DMD: variants seen among roughly 807,000 people sequenced by gnomAD.
DMD encodes the protein mutant dystrophin.
In DMD, 63 loss-of-function variants were observed where a neutral mutation model predicts 330.1. The observed-to-expected ratio is 0.19, with a 90% confidence interval of 0.16 to 0.24. The LOEUF is 0.24. Among genes scored for constraint, DMD ranks in the 10% least tolerant of loss-of-function variants. DMD has a pLI of 1.00. For synonymous variants in DMD, 1,223 were observed against 959.8 expected (o/e 1.27, Z -5.07); for missense variants, 3,344 against 2,684.1 (o/e 1.25, Z -5.43).
chrX:32,600,046 A>G (rs2149284061), intron 12 of DMD, among the ~76,000 whole-genome samples: 1 of 112,380 alleles, frequency 8.9e-6, no homozygotes, highest in African/African-American at 3.2e-5. Flanking sequence ...AAAGGGCTTA[A>G]CAAAATTTGT....
chrX:31,715,500 G>A lies in DMD; in HGVS notation c.7660+14131C>T, dbSNP rs755252330. On this transcript the variant is annotated intron_variant, in intron 52 of 78. Coordinates refer to ENST00000357033, the MANE Select transcript of DMD (RefSeq NM_004006.3). ...GGAGCTTGCAGTGAGCCGAGATCCC[G>A]CCACTGCACTCCAGCCTGGGCGACA... Among the ~76,000 whole-genome samples, 6 of 90,673 alleles carry A rather than the reference G, an allele frequency of 6.6e-5. No homozygotes were observed. In the South Asian group the frequency reaches 2.8e-3, roughly 42 times the overall value. 78.7% of individuals were successfully genotyped at this position (90,673 alleles called of 115,157 possible).
rs752069953 is a variant in DMD, at chrX:32,368,068, G to T, written c.4846-2869C>A. ...TCCCTCAAATGTGTTTTTAATCAAAGATATGACTTAAGAAATAAGACTTAA... is the reference window on the plus strand; with the variant it reads ...TCCCTCAAATGTGTTTTTAATCAAATATATGACTTAAGAAATAAGACTTAA... On this transcript the variant is annotated intron_variant, in intron 34 of 78. Transcript: ENST00000357033. 1.4e-3 allele frequency among the ~76,000 whole-genome samples: 158 copies of T among 111,504 alleles called. 1 individual carries two copies. The highest frequency in any genetic ancestry group is 9.6e-4 in the Admixed American group (10 of 10,446).
intron 55 of DMD, among the ~76,000 whole-genome samples, chrX:31,622,877 T>TACAC (rs1169355719): frequency 0.029 from 2,029 of 70,193 alleles, 30 homozygotes; most frequent in Middle Eastern, 0.098. Context: ...TATATATATA[T>TACAC]ACACACACAC....
At chrX:31,441,009 T>C (rs1347674303) in intron 60 of DMD, among the ~76,000 whole-genome samples, 1 of 112,128 alleles carries the variant, frequency 8.9e-6, no homozygotes. Flanking sequence ...AAAACTAGCA[T>C]GGCTTTCCTT....
chrX:32,585,724 A>AAAAAAAAAAAAAAAAAAAAAAAT (rs1569253179), intron 13 of DMD, among the ~76,000 whole-genome samples: 1 of 101,934 alleles, frequency 9.8e-6, no homozygotes, highest in Non-Finnish European at 2.0e-5. Flanking sequence ...AAAAAAAAAA[A>AAAAAAAAAAAAAAAAAAAAAAAT]AAAAAAGAAT....
At chrX:32,859,535 A>G (rs1569535487) in intron 2 of DMD, among the ~76,000 whole-genome samples, 1 of 109,996 alleles carries the variant, frequency 9.1e-6, no homozygotes, top group Non-Finnish European at 1.9e-5. Flanking sequence ...TCGATAATAT[A>G]AAAATATTAT....
chrX:31,851,758 A>G (rs1265364412), intron 48 of DMD, among the ~76,000 whole-genome samples: 1 of 111,958 alleles, frequency 8.9e-6, no homozygotes, highest in Non-Finnish European at 1.9e-5. Context: ...GAGAGTGAAA[A>G]GTGCTAAAGA....
chrX:32,807,133 A>AC (rs1471856143), intron 7 of DMD, among the ~76,000 whole-genome samples: 22 of 103,694 alleles, frequency 2.1e-4, no homozygotes, highest in Non-Finnish European at 3.5e-4. Context: ...AAAAAAAAAA[A>AC]AAAAAAAAAA....
chrX:32,674,583 C>A (rs1392899534), intron 9 of DMD, among the ~76,000 whole-genome samples: 2 of 111,056 alleles, frequency 1.8e-5, no homozygotes, highest in Non-Finnish European at 3.8e-5. Flanking sequence ...TTGTGCAAGC[C>A]AAGTGGGATA....
At chrX:33,248,595 G>C (rs1295761709) in intron 1 of DMD, among the ~76,000 whole-genome samples, 1 of 111,377 alleles carries the variant, frequency 9.0e-6, no homozygotes, top group African/African-American at 3.3e-5. Context: ...TGACATTCAT[G>C]AATGTAGTTA....
rs58505662 is a variant in DMD, at chrX:33,129,325, C to CTTTTTTTTTTTTTTT, written c.31+81942_31+81956dup. ...AATCCAGAGTTACAGTTAAGGTTTG[C>CTTTTTTTTTTTTTTT]TTTTTTTTTTTTTTTTTTTTTTTTT... is the stretch of plus-strand genomic sequence containing the variant. On this transcript the variant is annotated intron_variant, in intron 1 of 78. Coordinates refer to ENST00000357033, the MANE Select transcript of DMD (RefSeq NM_004006.3). Among the ~76,000 whole-genome samples, 8 of 30,720 alleles carry CTTTTTTTTTTTTTTT rather than the reference C, an allele frequency of 2.6e-4. 1 individual carries two copies. The highest frequency in any genetic ancestry group is 3.1e-4 in the Non-Finnish European group (6 of 19,336). 26.7% of individuals were successfully genotyped at this position (30,720 alleles called of 115,157 possible).
At chrX:31,239,963 T>C (rs1047369370) in intron 63 of DMD, among the ~76,000 whole-genome samples, 1 of 112,016 alleles carries the variant, frequency 8.9e-6, no homozygotes, top group African/African-American at 3.2e-5. Context: ...CTCTCTGTAC[T>C]TCTGATGATC....
intron 4 of DMD, among the ~76,000 whole-genome samples, chrX:32,836,711 C>A (rs895483974): frequency 9.0e-6 from 1 of 111,649 alleles, no homozygotes; most frequent in Non-Finnish European, 1.9e-5. Flanking sequence ...TTTTCCTTCA[C>A]AAATGTAGTT....
intron 7 of DMD, among the ~76,000 whole-genome samples, chrX:32,730,180 T>TA (rs895701812): frequency 4.5e-5 from 5 of 111,429 alleles, no homozygotes; most frequent in Non-Finnish European, 7.5e-5. Context: ...AAAATAACAA[T>TA]AAAAAATTGT....
chrX:31,204,673 A>G (rs1195498226), intron 66 of DMD, among the ~76,000 whole-genome samples: 1 of 112,080 alleles, frequency 8.9e-6, no homozygotes, highest in East Asian at 2.8e-4. Flanking sequence ...CCCAGGCTGC[A>G]GTGCAGTGGT....
At chrX:33,214,671 A>G (rs1297627244), upstream of DMD, among the ~76,000 whole-genome samples, 1 of 111,975 alleles carries the variant, frequency 8.9e-6, no homozygotes, top group Non-Finnish European at 1.9e-5. Context: ...TTTTCATTTA[A>G]GAGATGGAGG....
chrX:31,971,749 A>G (rs2150206223), intron 44 of DMD, among the ~76,000 whole-genome samples: 1 of 112,069 alleles, frequency 8.9e-6, no homozygotes, highest in East Asian at 2.8e-4. Context: ...AGTGAACAAC[A>G]TTAATTAATT....
intron 51 of DMD, among the ~76,000 whole-genome samples, chrX:31,743,837 A>G (rs1269591880): frequency 9.0e-6 from 1 of 111,009 alleles, no homozygotes; most frequent in Non-Finnish European, 1.9e-5. Context: ...TGAATCTAAA[A>G]TCAAAGTTGA....
At chrX:32,238,192 T>A (rs1778827485) in intron 43 of DMD, among the ~76,000 whole-genome samples, 1 of 111,679 alleles carries the variant, frequency 9.0e-6, no homozygotes, top group African/African-American at 3.3e-5. Context: ...AACAAAAATG[T>A]TTATTATTTG....
Sources: allele counts gnomAD v4.1 joint callset (sites outside exome capture counted in the v4.1 genomes callset), GRCh38; gene constraint gnomAD v4.1.1; transcripts MANE v1.5; gene names NCBI Gene and HGNC (gene_info 2026-07-23, HGNC 2026-07-21).